Variants in KHDRBS2 observed in about 807,000 individuals in gnomAD.
KHDRBS2 encodes the protein KH domain-containing, RNA-binding, signal transduction-associated protein 2.
In KHDRBS2, 26 loss-of-function variants were observed where a neutral mutation model predicts 44.3. The observed-to-expected ratio is 0.59, with a 90% CI of 0.43 to 0.81. The LOEUF (loss-of-function observed/expected upper bound fraction) is 0.81, where lower values mean the gene tolerates loss of function less well. Among genes scored for constraint, KHDRBS2 ranks in the 40% least tolerant of loss-of-function variants. KHDRBS2 has a pLI of 0.00. For missense variants in KHDRBS2, 476 were observed against 433.1 expected (o/e 1.10, Z -0.88); for synonymous variants, 194 against 151.1 (o/e 1.28, Z -2.08).
intron 3 of KHDRBS2, among the ~76,000 whole-genome samples, chr6:61,984,277 G>C (rs569118417): frequency 1.3e-5 from 2 of 152,018 alleles, no homozygotes; most frequent in Admixed American, 6.6e-5. Flanking sequence ...TAATCTTTTT[G>C]TTTCCCTTTT....
At chr6:61,802,547 A>C (rs1786447877) in intron 6 of KHDRBS2, among the ~76,000 whole-genome samples, 1 of 152,108 alleles carries the variant, frequency 6.6e-6, no homozygotes, top group African/African-American at 2.4e-5. Flanking sequence ...CTTGCCTCCT[A>C]ATCTGTACAC....
At chr6:62,142,378 C>G (rs1813014566) in intron 2 of KHDRBS2, among the ~76,000 whole-genome samples, 1 of 152,088 alleles carries the variant, frequency 6.6e-6, no homozygotes, top group African/African-American at 2.4e-5. Flanking sequence ...GAGTGTACAA[C>G]TGTACAACCT....
At chr6:61,719,607 T>G (rs1772036041) in intron 7 of KHDRBS2, among the ~76,000 whole-genome samples, 2 of 152,052 alleles carry the variant, frequency 1.3e-5, no homozygotes, top group Admixed American at 6.6e-5. Context: ...GCCCTGCAAT[T>G]TGAAGCTTGC....
chr6:61,574,456 C>T, the KHDRBS2 span: 1 of 1,376,342 alleles, frequency 7.3e-7, no homozygotes, highest in Non-Finnish European at 9.8e-7. Context: ...GCAAACAACA[C>T]CCAATAAGCC....
chr6:61,702,580 A>T (rs775695879), intron 7 of KHDRBS2, among the ~76,000 whole-genome samples: 2 of 151,964 alleles, frequency 1.3e-5, no homozygotes, highest in Non-Finnish European at 2.9e-5. Flanking sequence ...TTTAATTTTA[A>T]AGACTGAAAC....
At chr6:61,630,906 T>G in the KHDRBS2 span, among the ~76,000 whole-genome samples, 10 of 152,162 alleles carry the variant, frequency 6.6e-5, no homozygotes, top group Non-Finnish European at 1.3e-4. Context: ...CTCTTTGTAT[T>G]CTGTGGTTTT....
chr6:61,597,838 T>C, the KHDRBS2 span, among the ~76,000 whole-genome samples: 1 of 121,106 alleles, frequency 8.3e-6, no homozygotes, highest in Non-Finnish European at 1.8e-5. Flanking sequence ...AAGAAGGGGT[T>C]TCAGTTGCCA....
At chr6:62,267,967 C>A (rs929190200) in intron 1 of KHDRBS2, among the ~76,000 whole-genome samples, 5 of 151,942 alleles carry the variant, frequency 3.3e-5, no homozygotes, top group Admixed American at 2.0e-4. Context: ...GCAAAAGTTC[C>A]ATTTTCAAGA....
intron 2 of KHDRBS2, among the ~76,000 whole-genome samples, chr6:62,167,300 A>T (rs1374906050): frequency 6.6e-6 from 1 of 152,122 alleles, no homozygotes; most frequent in Non-Finnish European, 1.5e-5. Context: ...AAATGATGTG[A>T]GTAGAAGCAC....
At chr6:62,193,278 T>G (rs1652738521) in intron 1 of KHDRBS2, among the ~76,000 whole-genome samples, 1 of 152,088 alleles carries the variant, frequency 6.6e-6, no homozygotes, top group Admixed American at 6.6e-5. Flanking sequence ...ATATGGTCCC[T>G]TTGTTTTAGG....
At chr6:62,088,257 T>A (rs1292115663) in intron 2 of KHDRBS2, among the ~76,000 whole-genome samples, 3 of 152,178 alleles carry the variant, frequency 2.0e-5, no homozygotes, top group Non-Finnish European at 4.4e-5. Flanking sequence ...GGAGTTGTGA[T>A]CTTTTGGAGG....
chr6:61,652,435 A>T, the KHDRBS2 span: 1 of 151,740 alleles, frequency 6.6e-6, no homozygotes, highest in Non-Finnish European at 1.5e-5. Flanking sequence ...TATATTTACT[A>T]TATATTTTAC....
the KHDRBS2 span, among the ~76,000 whole-genome samples, chr6:61,565,085 C>T: frequency 1.3e-5 from 2 of 151,906 alleles, no homozygotes; most frequent in East Asian, 1.9e-4. Context: ...GTCTTTTCAA[C>T]AAATGGTGCT....
chr6:61,883,075 A>G (rs1800426670), intron 6 of KHDRBS2, among the ~76,000 whole-genome samples: 1 of 152,080 alleles, frequency 6.6e-6, no homozygotes, highest in Admixed American at 6.6e-5. Flanking sequence ...AAAATTATTA[A>G]TTTGTACCCA....
intron 3 of KHDRBS2, among the ~76,000 whole-genome samples, chr6:62,034,794 A>G (rs940197126): frequency 6.6e-6 from 1 of 151,886 alleles, no homozygotes; most frequent in African/African-American, 2.4e-5. Flanking sequence ...GCAGGAAAAA[A>G]AATCTAATAA....
intron 7 of KHDRBS2, among the ~76,000 whole-genome samples, chr6:61,701,462 C>T (rs1236583600): frequency 6.6e-6 from 1 of 151,874 alleles, no homozygotes; most frequent in Non-Finnish European, 1.5e-5. Flanking sequence ...ACTTTGCTAC[C>T]ATATATGACC....
chr6:61,943,576 C>T (rs1480689657), intron 4 of KHDRBS2, among the ~76,000 whole-genome samples: 1 of 152,034 alleles, frequency 6.6e-6, no homozygotes, highest in African/African-American at 2.4e-5. Context: ...GAAAGCACCT[C>T]ACAACATTGA....
chr6:61,935,239 G>A (rs1810813646), intron 4 of KHDRBS2, among the ~76,000 whole-genome samples: 1 of 152,168 alleles, frequency 6.6e-6, no homozygotes, highest in Non-Finnish European at 1.5e-5. Context: ...TCCCTGGAAT[G>A]TAGGAAAGTA....
intron 2 of KHDRBS2, among the ~76,000 whole-genome samples, chr6:62,149,485 A>G (rs980324098): frequency 1.3e-5 from 2 of 152,074 alleles, no homozygotes; most frequent in Non-Finnish European, 2.9e-5. Context: ...TCCATACTGT[A>G]CTGTAGTGGT....
Sources: allele counts gnomAD v4.1 joint callset (sites outside exome capture counted in the v4.1 genomes callset), GRCh38; gene constraint gnomAD v4.1.1; transcripts MANE v1.5; gene names NCBI Gene and HGNC (gene_info 2026-07-23, HGNC 2026-07-21).